Variants in TMEM131L observed in about 807,000 individuals in gnomAD.
TMEM131L encodes transmembrane protein 131-like.
A neutral mutation model predicts 192.2 loss-of-function variants in TMEM131L; 54 were observed. The observed-to-expected ratio is 0.28, with a 90% CI of 0.23 to 0.35. The LOEUF (loss-of-function observed/expected upper bound fraction) is 0.35, where lower values mean the gene tolerates loss of function less well. Among genes scored for constraint, TMEM131L ranks in the 10% least tolerant of loss-of-function variants. TMEM131L has a pLI of 1.00. For missense variants in TMEM131L, 1,888 were observed against 1,972.9 expected (o/e 0.96, Z 0.82); for synonymous variants, 701 against 704.9 (o/e 0.99, Z 0.09).
At chr4:153,466,617 G>C in intron 1 of TMEM131L, 96 bp downstream of exon 1, 1 of 1,122,782 alleles carries the variant, frequency 8.9e-7, no homozygotes, top group South Asian at 4.0e-5. Context: ...GCGAGGGGAG[G>C]AAAGGGAAAG....
At chr4:153,586,437 T>A in intron 14 of TMEM131L, 58 bp downstream of exon 14, 2 of 1,341,226 alleles carry the variant, frequency 1.5e-6, no homozygotes, top group Non-Finnish European at 2.0e-6. Flanking sequence ...TTGCTTTTTA[T>A]TAACCTTTAG....
intron 3 of TMEM131L, among the ~76,000 whole-genome samples, chr4:153,528,176 A>G (rs895444310): frequency 1.3e-5 from 2 of 152,232 alleles, no homozygotes; most frequent in Non-Finnish European, 2.9e-5. Flanking sequence ...AAAACAGGTT[A>G]CAGCTTGCCT....
At chr4:153,489,853 C>G (rs1732642793) in intron 3 of TMEM131L, among the ~76,000 whole-genome samples, 1 of 152,094 alleles carries the variant, frequency 6.6e-6, no homozygotes, top group Non-Finnish European at 1.5e-5. Context: ...GAAATCAAAC[C>G]TCGTTCCTTG....
At chr4:153,488,351 A>G (rs1580052151) in intron 3 of TMEM131L, among the ~76,000 whole-genome samples, 1 of 152,270 alleles carries the variant, frequency 6.6e-6, no homozygotes, top group South Asian at 2.1e-4. Context: ...GGCACTGCCC[A>G]CCCCAAGGGG....
At position 153,622,881 on chromosome 4, in the gene TMEM131L, C is replaced by T; in HGVS notation, c.3860-17C>T. ...ACAGTTGTTTCAGGGAAACATGACT[C>T]CTTTCACTTCCTCCAGAAGGTTACT... On this transcript the variant is annotated splice_polypyrimidine_tract_variant and intron_variant, in intron 28 of 34. Coordinates refer to ENST00000409959, the MANE Select transcript of TMEM131L (RefSeq NM_001131007.2). 1 of 1,613,470 alleles carries T rather than the reference C, an allele frequency of 6.2e-7. No individual in the cohort carries two copies. The highest frequency in any genetic ancestry group is 8.5e-7 in the Non-Finnish European group (1 of 1,179,448).
At chr4:153,597,815 C>G (rs1731548358) in intron 20 of TMEM131L, among the ~76,000 whole-genome samples, 1 of 152,114 alleles carries the variant, frequency 6.6e-6, no homozygotes, top group Admixed American at 6.6e-5. Flanking sequence ...TGCCTGTTGT[C>G]CCAGCTACTT....
chr4:153,567,752 T>A (rs780888593), intron 7 of TMEM131L, among the ~76,000 whole-genome samples: 12 of 152,076 alleles, frequency 7.9e-5, no homozygotes, highest in Non-Finnish European at 1.3e-4. Flanking sequence ...CACGTTGGCC[T>A]GGCTGGTCTC....
chr4:153,607,653 G>T lies in TMEM131L; in HGVS notation c.3418+3223G>T, dbSNP rs147113550. ...GTCCCGCCTCTTAAGAATACCTTAA[G>T]TGATTTTCCTAACTATCAGAACTCC... On this transcript the variant is annotated intron_variant, in intron 25 of 34. Coordinates refer to ENST00000409959, the MANE Select transcript of TMEM131L (RefSeq NM_001131007.2). 1.4e-3 allele frequency among the ~76,000 whole-genome samples: 210 copies of T among 152,314 alleles called. 1 individual carries two copies. The highest frequency in any genetic ancestry group is 4.8e-3 in the African/African-American group (201 of 41,570).
In TMEM131L at chr4:153,547,308, T is replaced by C. The variant is rs184697135; in HGVS notation, c.240-2765T>C. Among the ~76,000 whole-genome samples the C allele has an allele frequency of 2.0e-4, 31 of 152,370 alleles. No individual in the cohort carries two copies. The East Asian group carries it at 5.8e-3, about 28-fold the overall frequency. ...TTTCTAATTGTGGAATTTAAAAACC[T>C]CTATCAGAATATGAGACAGCCAAAG... On this transcript the variant is annotated intron_variant, in intron 3 of 34. Transcript: ENST00000409959.
chr4:153,560,114 C>G (rs1051649980), intron 7 of TMEM131L, among the ~76,000 whole-genome samples: 5 of 152,188 alleles, frequency 3.3e-5, no homozygotes, highest in African/African-American at 1.2e-4. Context: ...CTAATTTCTG[C>G]TCCCATATTT....
intron 18 of TMEM131L, 40 bp downstream of exon 18, chr4:153,592,624 C>T: frequency 1.5e-6 from 2 of 1,296,456 alleles, no homozygotes; most frequent in Non-Finnish European, 2.2e-6. Flanking sequence ...TTGGGAAGTA[C>T]TTGGGAAGAC....
rs1041442313 is a variant in TMEM131L at position 153,603,869 on chromosome 4, C to G, written c.2857C>G (p.Pro953Ala). The G allele has an allele frequency of 6.2e-7, 1 of 1,613,914 alleles. No individual in the cohort carries two copies. Among genetic ancestry groups the G allele is most frequent in the Admixed American group, 1.7e-5 (1 of 59,976 alleles). ...TAAAGGCAGGGGGAAGAACTGCCTTCCAGTGAACACTCCCCAAAGCAGGAT... is the reference window on the plus strand; with the variant it reads ...TAAAGGCAGGGGGAAGAACTGCCTTGCAGTGAACACTCCCCAAAGCAGGAT... ...SDKGRGKNCLPVNTPQSRIQN... is the reference protein window; with the variant it reads ...SDKGRGKNCLAVNTPQSRIQN... The change falls in exon 25 of 35, where the codon CCA (proline) becomes GCA (alanine). Residue 953 changes from proline to alanine, a missense_variant. Physicochemically the swap from Pro to Ala is conservative, Grantham distance 27. Coordinates refer to ENST00000409959, the MANE Select transcript of TMEM131L (RefSeq NM_001131007.2).
intron 3 of TMEM131L, among the ~76,000 whole-genome samples, chr4:153,508,153 CT>C (rs1263025780): frequency 6.6e-6 from 1 of 152,120 alleles, no homozygotes; most frequent in Non-Finnish European, 1.5e-5. Context: ...TTAGCATTAC[CT>C]CTGGGGAATG....
intron 2 of TMEM131L, among the ~76,000 whole-genome samples, chr4:153,469,377 A>G (rs1730997093): frequency 1.3e-5 from 2 of 152,050 alleles, no homozygotes; most frequent in African/African-American, 4.8e-5. Flanking sequence ...CATAAGCTAC[A>G]GAGAGTTTTG....
At chr4:153,500,888 C>T (rs540882784) in intron 3 of TMEM131L, among the ~76,000 whole-genome samples, 1 of 152,204 alleles carries the variant, frequency 6.6e-6, no homozygotes, top group East Asian at 1.9e-4. Context: ...GCTTAGTCTC[C>T]TCTTTCTCCA....
intron 33 of TMEM131L, among the ~76,000 whole-genome samples, 182 bp from the exon 34 acceptor site, chr4:153,635,250 C>G (rs999894780): frequency 2.0e-5 from 3 of 152,144 alleles, no homozygotes; most frequent in Non-Finnish European, 2.9e-5. Context: ...GGTTGTGTGT[C>G]TGATAAAAAG....
chr4:153,596,353 C>T lies in TMEM131L; in HGVS notation c.2091C>T (p.Asp697=), dbSNP rs1731440523. The change falls in exon 20 of 35, where the codon GAC becomes GAT. Residue 697 remains aspartate (D), a synonymous_variant. Coordinates refer to ENST00000409959, the MANE Select transcript of TMEM131L (RefSeq NM_001131007.2). ...KRVGVVFTPA[D]YGKVTSLILI... is the part of the protein sequence containing the mutation. ...TTGGCGTAGTTTTCACACCTGCTGA[C>T]TATGGAAAAGTTACCTCACTCATAC... 1 of 1,613,854 alleles carries T rather than the reference C, an allele frequency of 6.2e-7. No homozygotes were observed. The highest frequency in any genetic ancestry group is 1.3e-5 in the African/African-American group (1 of 74,940).
chr4:153,620,330 T>C (rs924112324), intron 26 of TMEM131L, among the ~76,000 whole-genome samples: 4 of 152,244 alleles, frequency 2.6e-5, no homozygotes, highest in African/African-American at 9.6e-5. Context: ...GCTGTTCTCC[T>C]AAAGTTCGTC....
At position 153,622,987 on chromosome 4, in the gene TMEM131L, C is replaced by T. The variant is rs1256350414; in HGVS notation, c.3949C>T (p.Arg1317Cys). 3.7e-6 allele frequency: 6 copies of T among 1,614,078 alleles called. No individual in the cohort carries two copies. The highest frequency in any genetic ancestry group is 2.2e-5 in the East Asian group (1 of 44,882). The change falls in exon 29 of 35, where the codon CGT becomes TGT. Residue 1317 changes from arginine (R) to cysteine (C), a missense_variant. Transcript: ENST00000409959. The stretch of plus-strand genomic sequence containing the variant: ...CTGTGGGAGCTCCTCTGGCAGCGTG[C>T]GTGCCAGCCGGGGCAGCTGGGGGAG... ...SDCGSSSGSV[R>C]ASRGSWGSWS...
Sources: allele counts gnomAD v4.1 joint callset (sites outside exome capture counted in the v4.1 genomes callset), GRCh38; gene constraint gnomAD v4.1.1; transcripts MANE v1.5; gene names NCBI Gene and HGNC (gene_info 2026-07-23, HGNC 2026-07-21).